ATG7: variants seen among roughly 807,000 people sequenced by gnomAD.
ATG7 encodes the protein autophagy related 7.
A neutral mutation model predicts 82.4 loss-of-function variants in ATG7; 70 were observed. The ratio of observed to expected loss-of-function variants is 0.85; its 90% confidence interval spans 0.70 to 1.04. ATG7 has a LOEUF of 1.04. ATG7 is among the 50% of genes least tolerant of loss of function. ATG7 has a pLI of 0.00. For synonymous variants in ATG7, 287 were observed against 313.0 expected, an observed-to-expected ratio of 0.92 and a Z score of 0.88; for missense variants, 792 against 864.3, an observed-to-expected ratio of 0.92 and a Z score of 1.05.
At chr3:11,394,298 G>C (rs1559529625) in intron 19 of ATG7, among the ~76,000 whole-genome samples, 1 of 152,186 alleles carries the variant, frequency 6.6e-6, no homozygotes, top group Non-Finnish European at 1.5e-5. Flanking sequence ...GGAGATTTCT[G>C]TCTTAACTAG....
chr3:11,549,068 T>C (rs1329444331), intron 20 of ATG7, among the ~76,000 whole-genome samples: 5 of 152,144 alleles, frequency 3.3e-5, no homozygotes, highest in African/African-American at 9.7e-5. Context: ...GTGCAGCTTT[T>C]TTTTTTTCAA....
the ATG7 span, among the ~76,000 whole-genome samples, chr3:11,562,800 G>C: frequency 6.6e-6 from 1 of 152,270 alleles, no homozygotes; most frequent in Admixed American, 6.5e-5. Context: ...CAGGAAAATG[G>C]GCAGCTTGGG....
At chr3:11,533,067 A>G (rs1379837426) in intron 20 of ATG7, among the ~76,000 whole-genome samples, 1 of 152,208 alleles carries the variant, frequency 6.6e-6, no homozygotes, top group Non-Finnish European at 1.5e-5. Context: ...GGTCAGAGAC[A>G]GAGCAGCCCG....
At chr3:11,384,464 C>T (rs964145508) in intron 19 of ATG7, among the ~76,000 whole-genome samples, 1 of 152,162 alleles carries the variant, frequency 6.6e-6, no homozygotes, top group South Asian at 2.1e-4. Flanking sequence ...TGATTAAACT[C>T]CTCAAAGTGA....
chr3:11,420,604 A>G (rs1219061331), intron 19 of ATG7, among the ~76,000 whole-genome samples: 1 of 152,140 alleles, frequency 6.6e-6, no homozygotes, highest in African/African-American at 2.4e-5. Flanking sequence ...GACCACCACA[A>G]TGCAGCTAAT....
At chr3:11,409,548 T>C (rs1380423823) in intron 19 of ATG7, among the ~76,000 whole-genome samples, 1 of 152,222 alleles carries the variant, frequency 6.6e-6, no homozygotes, top group Non-Finnish European at 1.5e-5. Flanking sequence ...GTTTTCAACT[T>C]ATAGTTGGTG....
At chr3:11,372,801 G>T (rs1301433859) in intron 18 of ATG7, among the ~76,000 whole-genome samples, 1 of 147,450 alleles carries the variant, frequency 6.8e-6, no homozygotes, top group Non-Finnish European at 1.5e-5. Context: ...GTAAGGGCTG[G>T]GTGTGTGTGT....
chr3:11,420,919 C>T (rs528372354), intron 19 of ATG7, among the ~76,000 whole-genome samples: 53 of 151,982 alleles, frequency 3.5e-4, no homozygotes, highest in African/African-American at 1.3e-3. Context: ...CCTTGTCCGG[C>T]TAATTTTTTG....
chr3:11,305,954 G>A (rs909230339), intron 5 of ATG7, among the ~76,000 whole-genome samples: 6 of 152,172 alleles, frequency 3.9e-5, no homozygotes, highest in African/African-American at 1.4e-4. Flanking sequence ...CATTAGCTGC[G>A]ACAACATTAG....
At chr3:11,342,384 ATC>A (rs1408099409) in intron 13 of ATG7, 105 bp downstream of exon 13, 1 of 1,341,358 alleles carries the variant, frequency 7.5e-7, no homozygotes, top group African/African-American at 1.5e-5. Context: ...CATCCCCTCC[ATC>A]TCTCCCTCCC....
chr3:11,358,657 A>C (rs1192098793), intron 15 of ATG7, 45 bp downstream of exon 15: 1 of 1,576,902 alleles, frequency 6.3e-7, no homozygotes, highest in Admixed American at 1.7e-5. Context: ...ATGCACCACC[A>C]CTCCAGAGGG....
At position 11,307,003 on chromosome 3, in the gene ATG7, A is replaced by T. The variant is rs1286359837; in HGVS notation, c.276A>T (p.Thr92=). 5.0e-6 allele frequency: 8 copies of T among 1,613,776 alleles called. No individual in the cohort carries two copies. Among genetic ancestry groups the T allele is most frequent in the Non-Finnish European group, 6.8e-6 (8 of 1,179,980 alleles). Residue 92 remains threonine, a synonymous_variant, in exon 6 of 21, where the codon ACA becomes ACT. Transcript: ENST00000693202. ...PAIGTLYNTN[T]LESFKTADKK... ...TTGGAACACTGTATAACACCAACAC[A>T]CTCGAGTCTTTCAAGACTGCAGATA...
chr3:11,425,551 C>T (rs962470881), intron 19 of ATG7, among the ~76,000 whole-genome samples: 6 of 152,204 alleles, frequency 3.9e-5, no homozygotes, highest in South Asian at 2.1e-4. Context: ...CAGCGTTCTA[C>T]GTTTCACAGT....
chr3:11,565,831 A>AC, the ATG7 span, among the ~76,000 whole-genome samples: 2 of 151,934 alleles, frequency 1.3e-5, no homozygotes, highest in South Asian at 4.2e-4. This position sits in a 1 kb window ranked among gnomAD's most constrained non-coding sequence, Gnocchi z 4.1. Context: ...TTAGACACCA[A>AC]CCCCACACAG....
At chr3:11,491,927 C>T (rs1289675911) in intron 20 of ATG7, among the ~76,000 whole-genome samples, 1 of 152,168 alleles carries the variant, frequency 6.6e-6, no homozygotes, top group Non-Finnish European at 1.5e-5. Context: ...TTGTCTGTGC[C>T]CTGCCCCCAG....
intron 20 of ATG7, 152 bp from the exon 21 acceptor site, chr3:11,554,659 T>C (rs1274071643): frequency 1.1e-6 from 1 of 940,928 alleles, no homozygotes; most frequent in Non-Finnish European, 1.6e-6. Flanking sequence ...AGATTTGGTT[T>C]CCTTGTACAG....
chr3:11,417,019 T>G (rs2152925613), intron 19 of ATG7, among the ~76,000 whole-genome samples: 1 of 152,348 alleles, frequency 6.6e-6, no homozygotes, highest in South Asian at 2.1e-4. Context: ...AATTTCTGGG[T>G]TCCATTGTGG....
At chr3:11,526,137 T>C (rs2092573437) in intron 20 of ATG7, among the ~76,000 whole-genome samples, 1 of 152,130 alleles carries the variant, frequency 6.6e-6, no homozygotes, top group Admixed American at 6.5e-5. Flanking sequence ...ATGCCTGTAA[T>C]CCCAGCACTT....
At chr3:11,465,362 G>GAGGCAGGGAGGC (rs2086724205) in intron 20 of ATG7, among the ~76,000 whole-genome samples, 1 of 151,174 alleles carries the variant, frequency 6.6e-6, no homozygotes, top group South Asian at 2.1e-4. Context: ...GGAGAATGGC[G>GAGGCAGGGAGGC]TGAATCCAGG....
Sources: gnomAD v4.1 joint callset for allele counts (sites outside exome capture counted in the v4.1 genomes callset) on GRCh38, gnomAD v4.1.1 for gene constraint, Gnocchi (gnomAD v3.1) non-coding constraint, MANE v1.5 for transcripts, NCBI Gene and HGNC (gene_info 2026-07-23, HGNC 2026-07-21) for gene names.